Variants in TACC1 observed in about 807,000 individuals in gnomAD.
The protein encoded by TACC1 is transforming acidic coiled-coil containing protein 1.
TACC1 carries 48 observed loss-of-function variants against 84.4 expected under a neutral mutation model. The observed-to-expected ratio is 0.57, with a 90% CI of 0.45 to 0.72. The LOEUF (loss-of-function observed/expected upper bound fraction) is 0.72. Ranked by LOEUF, TACC1 falls within the 30% of genes least tolerant of loss-of-function variation. The probability of loss-of-function intolerance (pLI) is 0.00; values close to 1 mark genes in which losing one functional copy is unlikely to be tolerated. For synonymous variants in TACC1, 372 were observed against 376.3 expected, an observed-to-expected ratio of 0.99 and a Z score of 0.13; for missense variants, 920 against 973.0, an observed-to-expected ratio of 0.95 and a Z score of 0.72.
Position 38,762,571 on chromosome 8 carries a change from T to G in TACC1, c.26+17078T>G, listed in dbSNP as rs925383380. The stretch of plus-strand genomic sequence containing the variant: ...TTTTGGCTTTTTTTTTTGTTTTTTT[T>G]GGGGGGACAGAGTCTCACTCTGCCA... On this transcript the variant is annotated intron_variant, in intron 3 of 14. Transcript: ENST00000518415. 1.8e-4 allele frequency among the ~76,000 whole-genome samples: 27 copies of G among 152,112 alleles called. No homozygotes were observed. In the South Asian group the frequency reaches 2.1e-3, roughly 12 times the overall value.
rs764319493 is a variant in TACC1 at position 38,827,182 on chromosome 8, G to T, written c.1467G>T (p.Val489=). Reference sequence around the variant, plus strand: ...GTGTTTCTCAGGATGAAGGGGCAGTGATCTCCCAGATTTCAGACATTTCTA... The same window carrying T: ...GTGTTTCTCAGGATGAAGGGGCAGTTATCTCCCAGATTTCAGACATTTCTA... ...LDACSRDEGA[V]ISQISDISNR... The change falls in exon 5 of 13, where the codon GTG becomes GTT. Residue 489 remains valine, a synonymous_variant. Transcript: ENST00000317827. 68 of 1,613,496 alleles carry T rather than the reference G, an allele frequency of 4.2e-5. No homozygotes were observed. The highest frequency in any genetic ancestry group is 8.3e-5 in the Admixed American group (5 of 60,002).
intron 1 of TACC1, 71 bp downstream of exon 1, chr8:38,787,814 CGTGT>C (rs1008929102): frequency 7.3e-7 from 1 of 1,361,272 alleles, no homozygotes; most frequent in Admixed American, 3.2e-5. Context: ...CCTCTGTGTG[CGTGT>C]GTGTGGTCGC....
intron 2 of TACC1, among the ~76,000 whole-genome samples, chr8:38,813,688 C>T (rs1824772881): frequency 1.3e-5 from 2 of 152,188 alleles, no homozygotes; most frequent in African/African-American, 4.8e-5. Flanking sequence ...TTTCTCTTCA[C>T]CTCTGGGCTC....
chr8:38,778,973 T>G (rs1815401459), intron 3 of TACC1, among the ~76,000 whole-genome samples: 1 of 89,382 alleles, frequency 1.1e-5, no homozygotes, highest in Non-Finnish European at 2.8e-5. Flanking sequence ...GTCCTTGGGT[T>G]TTTTTTTTTT....
In TACC1 at chr8:38,773,600, A is replaced by AGC. The variant is rs1293748568; in HGVS notation, c.27-15104_27-15103insGC. On this transcript the variant is annotated intron_variant, in intron 3 of 14. Transcript: ENST00000518415. The stretch of plus-strand genomic sequence containing the variant: ...TAGCTATCTATCTAGCTATCTATCT[A>AGC]TCTAGCTATCTATCTAGCTATCTAT... Among the ~76,000 whole-genome samples the AGC allele has an allele frequency of 1.9e-3, 285 of 147,726 alleles. 2 individuals are homozygous for AGC. Among genetic ancestry groups the AGC allele is most frequent in the African/African-American group, 7.0e-3 (262 of 37,376 alleles).
At position 38,847,944 on chromosome 8, in the gene TACC1, T is replaced by G; in HGVS notation, c.2350-11T>G. ...AAAGTGGCCTGCATAATTATGTCATTTGTCTTTCAGAACCAAGAAATTGAA... is the reference window on the plus strand; with the variant it reads ...AAAGTGGCCTGCATAATTATGTCATGTGTCTTTCAGAACCAAGAAATTGAA... On this transcript the variant is annotated splice_polypyrimidine_tract_variant and intron_variant, in intron 12 of 12. Coordinates refer to ENST00000317827, the MANE Select transcript of TACC1 (RefSeq NM_006283.3). 6.2e-7 allele frequency: 1 copy of G among 1,613,244 alleles called. No homozygotes were observed. The highest frequency in any genetic ancestry group is 8.5e-7 in the Non-Finnish European group (1 of 1,179,340).
At chr8:38,842,921 A>G (rs959484473) in intron 10 of TACC1, among the ~76,000 whole-genome samples, 2 of 152,240 alleles carry the variant, frequency 1.3e-5, no homozygotes, top group Non-Finnish European at 1.5e-5. Flanking sequence ...TAACTTTACC[A>G]TATCAACCAG....
intron 1 of TACC1, among the ~76,000 whole-genome samples, 183 bp downstream of exon 1, chr8:38,787,926 GTTTCTGGCCCCCGT>G (rs1276388196): frequency 6.6e-6 from 1 of 152,236 alleles, no homozygotes; most frequent in Non-Finnish European, 1.5e-5. Flanking sequence ...CTCCCGTGGG[GTTTCTGGCCCCCGT>G]TTCGCTAGGA....
At chr8:38,750,414 A>C (rs1808818709) in intron 3 of TACC1, among the ~76,000 whole-genome samples, 3 of 152,238 alleles carry the variant, frequency 2.0e-5, no homozygotes, top group Admixed American at 6.5e-5. Context: ...GAGGGCAAGG[A>C]TGTTGGCTCT....
intron 8 of TACC1, chr8:38,839,380 A>G (rs1464691336): frequency 1.0e-5 from 4 of 392,586 alleles, no homozygotes; most frequent in Admixed American, 8.9e-5. Context: ...AGTAGAGAAG[A>G]AAAAAAGGCA....
intron 3 of TACC1, among the ~76,000 whole-genome samples, chr8:38,754,247 C>T (rs561367493): frequency 1.8e-4 from 27 of 152,220 alleles, no homozygotes; most frequent in Admixed American, 3.9e-4. Flanking sequence ...CCACCGCGCC[C>T]GGCCTTTTTC....
intron 2 of TACC1, among the ~76,000 whole-genome samples, chr8:38,813,224 T>G (rs773028848): frequency 5.2e-4 from 79 of 152,164 alleles, no homozygotes; most frequent in Non-Finnish European, 2.1e-4. Context: ...GTTCACAATT[T>G]TTTTAAGATG....
At chr8:38,795,608 G>C (rs989101920) in intron 2 of TACC1, among the ~76,000 whole-genome samples, 2 of 152,204 alleles carry the variant, frequency 1.3e-5, no homozygotes, top group African/African-American at 4.8e-5. Context: ...ACTGCCCAGA[G>C]GAAATCTTGG....
chr8:38,788,013 C>A, intron 1 of TACC1: 1 of 475,046 alleles, frequency 2.1e-6, no homozygotes, highest in Non-Finnish European at 3.7e-6. Context: ...CGGTCACTTT[C>A]TCTAAGCTTC....
At position 38,773,245 on chromosome 8, in the gene TACC1, G is replaced by C. The variant is rs368328344; in HGVS notation, c.27-15459G>C. On this transcript the variant is annotated intron_variant, in intron 3 of 14. Coordinates refer to the TACC1 transcript ENST00000518415. ...GGAAGCTGAGGCAGGAGAATTGCTT[G>C]AAATTGGAAAGTGGAGTTGTGGCGA... Among the ~76,000 whole-genome samples, 7 of 151,980 alleles carry C rather than the reference G, an allele frequency of 4.6e-5. No individual in the cohort carries two copies. In the East Asian group the frequency reaches 1.4e-3, roughly 29 times the overall value.
intron 8 of TACC1, 25 bp downstream of exon 8, chr8:38,838,571 G>A: frequency 6.3e-7 from 1 of 1,582,736 alleles, no homozygotes; most frequent in Non-Finnish European, 8.7e-7. Flanking sequence ...TTTGGGGAGG[G>A]GCTGGATACT....
chr8:38,769,861 G>C (rs1056626241), intron 3 of TACC1, among the ~76,000 whole-genome samples: 1 of 149,680 alleles, frequency 6.7e-6, no homozygotes, highest in Admixed American at 6.6e-5. Context: ...TGGTGTGTGT[G>C]ACTATGTGGT....
intron 2 of TACC1, among the ~76,000 whole-genome samples, chr8:38,807,207 C>A (rs1587855553): frequency 6.6e-6 from 1 of 152,158 alleles, no homozygotes; most frequent in Non-Finnish European, 1.5e-5. Context: ...GTCTTCAGCC[C>A]CCTTCCCTTC....
At chr8:38,763,822 A>G (rs1454672722) in intron 3 of TACC1, among the ~76,000 whole-genome samples, 1 of 152,154 alleles carries the variant, frequency 6.6e-6, no homozygotes, top group Non-Finnish European at 1.5e-5. Context: ...TTTTTTCTAC[A>G]TGTTTGATAT....
Sources: allele counts gnomAD v4.1 joint callset (sites outside exome capture counted in the v4.1 genomes callset), GRCh38; gene constraint gnomAD v4.1.1; transcripts MANE v1.5; gene names NCBI Gene and HGNC (gene_info 2026-07-23, HGNC 2026-07-21).